The following HIVEP3 variants were observed in gnomAD, a reference collection of about 807,000 sequenced individuals.
HIVEP3 encodes the protein HIVEP zinc finger 3, also known as transcription factor HIVEP3.
Under a neutral mutation model 152.8 loss-of-function variants are expected in HIVEP3, and 49 were observed. The ratio of observed to expected loss-of-function variants is 0.32; its 90% CI spans 0.26 to 0.41. The LOEUF (loss-of-function observed/expected upper bound fraction) is 0.41, where lower values mean the gene tolerates loss of function less well. Among genes scored for constraint, HIVEP3 ranks in the 10% least tolerant of loss-of-function variants. The pLI is 1.00. For missense variants in HIVEP3, 2,790 were observed against 3,103.3 expected, an observed-to-expected ratio of 0.90 and a Z score of 2.40; for synonymous variants, 1,269 against 1,289.0, an observed-to-expected ratio of 0.98 and a Z score of 0.33.
intron 5 of HIVEP3, among the ~76,000 whole-genome samples, chr1:41,529,917 A>C (rs1189995075): frequency 7.1e-4 from 64 of 90,064 alleles, no homozygotes; most frequent in Admixed American, 1.7e-3. Flanking sequence ...ACACACCAAC[A>C]CCCCCCACCA....
chr1:41,805,779 A>G (rs1035851808), intron 1 of HIVEP3, among the ~76,000 whole-genome samples: 16 of 152,196 alleles, frequency 1.1e-4, no homozygotes, highest in African/African-American at 3.6e-4. Context: ...AAGGAGAAAG[A>G]TTTCTGACCC....
intron 1 of HIVEP3, among the ~76,000 whole-genome samples, chr1:41,979,243 A>G (rs1287849891): frequency 6.6e-6 from 1 of 152,150 alleles, no homozygotes; most frequent in African/African-American, 2.4e-5. Context: ...ATTCACCCTG[A>G]CCCACAACTT....
intron 1 of HIVEP3, among the ~76,000 whole-genome samples, chr1:41,987,919 C>T (rs1262712657): frequency 6.6e-6 from 1 of 152,104 alleles, no homozygotes; most frequent in East Asian, 1.9e-4. Flanking sequence ...AACCAGATCT[C>T]ATGAGAATTC....
At chr1:41,910,929 T>C (rs1258557248) in intron 1 of HIVEP3, among the ~76,000 whole-genome samples, 1 of 152,062 alleles carries the variant, frequency 6.6e-6, no homozygotes, top group Non-Finnish European at 1.5e-5. Flanking sequence ...CTTAAACGTT[T>C]AGAAGACCAT....
chr1:41,805,065 G>A (rs111770846), intron 1 of HIVEP3, among the ~76,000 whole-genome samples: 8,869 of 152,244 alleles, frequency 0.058, 320 homozygotes, highest in Middle Eastern at 0.18. Context: ...GGCCGGGCGC[G>A]GTGGCTCACA....
At chr1:41,956,686 G>A (rs1056588573) in intron 1 of HIVEP3, among the ~76,000 whole-genome samples, 8 of 152,194 alleles carry the variant, frequency 5.3e-5, no homozygotes, top group African/African-American at 1.4e-4. Context: ...GAGAAGCAGC[G>A]ATGAAAATAA....
chr1:41,618,088 G>A (rs752935271), intron 3 of HIVEP3, among the ~76,000 whole-genome samples: 15 of 152,216 alleles, frequency 9.9e-5, no homozygotes, highest in Non-Finnish European at 1.9e-4. Flanking sequence ...GCAGCCAAGA[G>A]AGGAAACTTA....
chr1:41,712,495 G>A (rs1275097376), intron 1 of HIVEP3, among the ~76,000 whole-genome samples: 1 of 152,232 alleles, frequency 6.6e-6, no homozygotes, highest in African/African-American at 2.4e-5. Context: ...AAACAAAGCA[G>A]GGTAAGGGGA....
In HIVEP3 at chr1:41,768,285, T is replaced by C. The variant is rs899511497; in HGVS notation, c.-800-67290A>G. ...AGCGGACAAGGAGAGAAAGCTTGTA[T>C]GGGGAACTCCTCTTTTTAAAACCAT... On this transcript the variant is annotated intron_variant, in intron 1 of 8. Transcript: ENST00000372583. Among the ~76,000 whole-genome samples, 7 of 152,348 alleles carry C rather than the reference T, an allele frequency of 4.6e-5. No homozygotes were observed. In the South Asian group the frequency reaches 6.2e-4, roughly 14 times the overall value.
At chr1:41,593,105 G>A (rs1486888351) in intron 3 of HIVEP3, among the ~76,000 whole-genome samples, 2 of 152,230 alleles carry the variant, frequency 1.3e-5, no homozygotes, top group African/African-American at 4.8e-5. Context: ...CGACAGAACA[G>A]AAATGCTGGG....
At position 41,899,284 on chromosome 1, in the gene HIVEP3, C is replaced by G. The variant is rs930213471; in HGVS notation, c.-801+19129G>C. Among the ~76,000 whole-genome samples, 5 of 152,154 alleles carry G rather than the reference C, an allele frequency of 3.3e-5. No homozygotes were observed. In the East Asian group the frequency reaches 9.6e-4, roughly 29 times the overall value. ...TCTAGGTGTTTTCAGTGTCTCTTGT[C>G]TATTTAATGGACTCCCAGAAGAGTA... On this transcript the variant is annotated intron_variant, in intron 1 of 8. Coordinates refer to ENST00000372583, the MANE Select transcript of HIVEP3 (RefSeq NM_024503.5).
At chr1:41,724,940 T>C (rs1320681179) in intron 1 of HIVEP3, among the ~76,000 whole-genome samples, 1 of 152,194 alleles carries the variant, frequency 6.6e-6, no homozygotes, top group African/African-American at 2.4e-5. Flanking sequence ...CACTGGCATC[T>C]CCCACCTGAA....
chr1:41,530,194 A>G (rs1342449569), intron 5 of HIVEP3, among the ~76,000 whole-genome samples: 1 of 152,228 alleles, frequency 6.6e-6, no homozygotes, highest in Non-Finnish European at 1.5e-5. Context: ...CTGACCAGCC[A>G]GTTTTGGCCG....
At chr1:42,001,846 G>C (rs1271762482) in intron 1 of HIVEP3, among the ~76,000 whole-genome samples, 1 of 152,036 alleles carries the variant, frequency 6.6e-6, no homozygotes, top group East Asian at 1.9e-4. Flanking sequence ...CCCCCACCCT[G>C]CCCTGACCCC....
At chr1:41,900,826 G>A (rs1644608759) in intron 1 of HIVEP3, among the ~76,000 whole-genome samples, 1 of 152,202 alleles carries the variant, frequency 6.6e-6, no homozygotes, top group Non-Finnish European at 1.5e-5. Flanking sequence ...AGAAAGGGGA[G>A]TGGCCGGAGG....
chr1:41,778,447 C>T (rs1248948018), intron 1 of HIVEP3, among the ~76,000 whole-genome samples: 1 of 152,168 alleles, frequency 6.6e-6, no homozygotes, highest in East Asian at 1.9e-4. Flanking sequence ...GATAAGAGCA[C>T]CTGAAATGAC....
intron 2 of HIVEP3, among the ~76,000 whole-genome samples, chr1:41,671,864 T>A (rs1389470950): frequency 6.6e-6 from 1 of 152,140 alleles, no homozygotes; most frequent in Non-Finnish European, 1.5e-5. Flanking sequence ...TAGGTATTTA[T>A]CAGTGGAAAA....
intron 1 of HIVEP3, among the ~76,000 whole-genome samples, chr1:41,917,642 C>A (rs1311728124): frequency 2.0e-5 from 3 of 152,184 alleles, no homozygotes; most frequent in Non-Finnish European, 2.9e-5. Context: ...TGGACAATAT[C>A]ATTAGGGACC....
At chr1:41,618,291 G>A (rs185006686) in intron 3 of HIVEP3, among the ~76,000 whole-genome samples, 10 of 152,338 alleles carry the variant, frequency 6.6e-5, no homozygotes, top group Admixed American at 2.6e-4. Flanking sequence ...ATGCAATGCC[G>A]GGCCAGGAGG....
Sources: allele counts gnomAD v4.1 joint callset (sites outside exome capture counted in the v4.1 genomes callset), GRCh38; gene constraint gnomAD v4.1.1; transcripts MANE v1.5; gene names NCBI Gene and HGNC (gene_info 2026-07-23, HGNC 2026-07-21).